KAT6A: variants seen among roughly 807,000 people sequenced by gnomAD.
KAT6A encodes lysine acetyltransferase 6A.
Under a neutral mutation model 198.4 loss-of-function variants are expected in KAT6A, and 9 were observed. The observed-to-expected ratio is 0.05, with a 90% CI of 0.03 to 0.08. KAT6A has a LOEUF of 0.08. Ranked by LOEUF, KAT6A falls within the 10% of genes least tolerant of loss-of-function variation. The probability of loss-of-function intolerance (pLI) is 1.00; values close to 1 mark genes in which losing one functional copy is unlikely to be tolerated. For synonymous variants in KAT6A, 890 were observed against 883.0 expected (o/e 1.01, Z -0.14); for missense variants, 2,077 against 2,509.9 (o/e 0.83, Z 3.69).
At chr8:41,956,355 T>C (rs923531826) in intron 8 of KAT6A, among the ~76,000 whole-genome samples, 5 of 151,554 alleles carry the variant, frequency 3.3e-5, no homozygotes, top group Non-Finnish European at 5.9e-5. Context: ...GACAAAAGAG[T>C]TTAGCCTAAC....
At chr8:42,012,964 T>C (rs1826090599) in intron 2 of KAT6A, among the ~76,000 whole-genome samples, 1 of 152,112 alleles carries the variant, frequency 6.6e-6, no homozygotes, top group Admixed American at 6.6e-5. Context: ...TAAAAAACTA[T>C]ACTTGATTCC....
rs755230300 is a variant in KAT6A, at chr8:42,014,511, C to T, written c.601-26948G>A. ...GCTATGCTCTCTTTTAAAACACACA[C>T]GCAGAAATGCCTCAGGCAACCAGTT... On this transcript the variant is annotated intron_variant, in intron 2 of 16. Transcript: ENST00000265713. Among the ~76,000 whole-genome samples the T allele has an allele frequency of 1.2e-3, 189 of 152,316 alleles. 4 individuals are homozygous for T. Among genetic ancestry groups the T allele is most frequent in the African/African-American group, 1.8e-3 (75 of 41,572 alleles).
intron 16 of KAT6A, 123 bp downstream of exon 16, chr8:41,937,133 C>T (rs1052451321): frequency 7.2e-6 from 5 of 690,286 alleles, no homozygotes; most frequent in African/African-American, 3.6e-5. Flanking sequence ...GATTGCCAAA[C>T]GTTCCTTTTC....
chr8:42,050,116 G>A (rs1382782684), intron 1 of KAT6A, among the ~76,000 whole-genome samples: 2 of 152,118 alleles, frequency 1.3e-5, no homozygotes, highest in African/African-American at 4.8e-5. Context: ...TGGGGTCAAC[G>A]CACATACTAC....
intron 8 of KAT6A, among the ~76,000 whole-genome samples, chr8:41,956,804 T>C (rs771369786): frequency 5.3e-5 from 8 of 152,212 alleles, no homozygotes; most frequent in Non-Finnish European, 8.8e-5. Context: ...AGGGTTAAAA[T>C]AAGATTTCTT....
chr8:41,937,611 T>C (rs1360450440), intron 15 of KAT6A, 43 bp from the exon 16 acceptor site: 2 of 1,432,590 alleles, frequency 1.4e-6, no homozygotes, highest in Non-Finnish European at 1.9e-6. Context: ...ATGAACACTA[T>C]CTTTTCTATT....
chr8:41,968,438 C>G (rs1252223848), intron 8 of KAT6A, among the ~76,000 whole-genome samples: 1 of 152,114 alleles, frequency 6.6e-6, no homozygotes, highest in African/African-American at 2.4e-5. Context: ...TCATCTCACA[C>G]CAGTTAGAAT....
intron 3 of KAT6A, among the ~76,000 whole-genome samples, chr8:41,982,312 A>T (rs1206993481): frequency 6.6e-6 from 1 of 152,164 alleles, no homozygotes; most frequent in Non-Finnish European, 1.5e-5. Flanking sequence ...TCATATATGC[A>T]TTACTGAATA....
At chr8:42,025,531 C>T (rs1826769619) in intron 2 of KAT6A, among the ~76,000 whole-genome samples, 1 of 152,044 alleles carries the variant, frequency 6.6e-6, no homozygotes, top group South Asian at 2.1e-4. Context: ...TTTTTTTATA[C>T]ACCTGTTGGC....
At chr8:42,002,162 A>T (rs765127562) in intron 2 of KAT6A, among the ~76,000 whole-genome samples, 5 of 152,176 alleles carry the variant, frequency 3.3e-5, no homozygotes, top group Admixed American at 1.3e-4. Flanking sequence ...TATCATCACC[A>T]CTTTCCAGAT....
intron 2 of KAT6A, among the ~76,000 whole-genome samples, chr8:42,020,285 C>A (rs1029239504): frequency 6.6e-6 from 1 of 152,152 alleles, no homozygotes; most frequent in Non-Finnish European, 1.5e-5. Flanking sequence ...TACTACCCTG[C>A]CTTTTATTTA....
At chr8:41,986,182 G>A (rs1824592134) in intron 3 of KAT6A, among the ~76,000 whole-genome samples, 1 of 152,138 alleles carries the variant, frequency 6.6e-6, no homozygotes, top group Admixed American at 6.5e-5. Context: ...CTTGTGATCT[G>A]CCCGCCTCGG....
intron 8 of KAT6A, among the ~76,000 whole-genome samples, chr8:41,963,051 A>G (rs562236761): frequency 3.3e-5 from 5 of 152,174 alleles, no homozygotes; most frequent in East Asian, 3.9e-4. Flanking sequence ...CTTTTTCTCC[A>G]TAACACTACC....
At chr8:42,044,098 CTTT>C (rs36067311) in intron 2 of KAT6A, among the ~76,000 whole-genome samples, 5 of 127,858 alleles carry the variant, frequency 3.9e-5, no homozygotes, top group Admixed American at 8.1e-5. Context: ...TGGGTAAAAA[CTTT>C]TTTTTTTTTT....
rs183885872 is a variant in KAT6A, at chr8:42,018,310, C to T, written c.600+30068G>A. ...TTGCACTTTGGGAGGCTGAGGTGGG[C>T]GGATCACCTGTGGTCAGGAGTTCAA... On this transcript the variant is annotated intron_variant, in intron 2 of 16. Transcript: ENST00000265713. Among the ~76,000 whole-genome samples the T allele has an allele frequency of 4.4e-3, 667 of 152,008 alleles. 1 individual carries two copies. Among genetic ancestry groups the T allele is most frequent in the Non-Finnish European group, 7.4e-3 (506 of 67,946 alleles).
chr8:41,943,236 C>A (rs1408416746), intron 13 of KAT6A, among the ~76,000 whole-genome samples: 1 of 152,204 alleles, frequency 6.6e-6, no homozygotes, highest in East Asian at 1.9e-4. Context: ...TGCTGTCTCA[C>A]ACGTCCCGCT....
At chr8:41,989,698 A>G (rs1404048054) in intron 2 of KAT6A, among the ~76,000 whole-genome samples, 1 of 152,278 alleles carries the variant, frequency 6.6e-6, no homozygotes, top group Non-Finnish European at 1.5e-5. Flanking sequence ...TAGAAGTCAT[A>G]TACATACAAA....
At chr8:41,990,634 C>T (rs4621794) in intron 2 of KAT6A, among the ~76,000 whole-genome samples, 151,700 of 152,332 alleles carry the variant, frequency 1, 75,535 homozygotes, top group Middle Eastern at 1. Context: ...TCATTAGTCA[C>T]CAAGAAAATA....
chr8:41,959,298 C>T (rs1419748401), intron 8 of KAT6A, among the ~76,000 whole-genome samples: 1 of 151,862 alleles, frequency 6.6e-6, no homozygotes, highest in African/African-American at 2.4e-5. Context: ...CAATCAGATA[C>T]TACTTCACAC....
Sources: allele counts gnomAD v4.1 joint callset (sites outside exome capture counted in the v4.1 genomes callset), GRCh38; gene constraint gnomAD v4.1.1; transcripts MANE v1.5; gene names NCBI Gene and HGNC (gene_info 2026-07-23, HGNC 2026-07-21).